Variants in EYS observed in about 807,000 individuals in gnomAD.
EYS encodes protein eyes shut homolog.
Under a neutral mutation model 282.1 loss-of-function variants are expected in EYS, and 250 were observed. The ratio of observed to expected loss-of-function variants is 0.89; its 90% CI spans 0.80 to 0.98. The LOEUF (loss-of-function observed/expected upper bound fraction) is 0.98, where lower values mean the gene tolerates loss of function less well. Ranked by LOEUF, EYS falls within the 50% of genes least tolerant of loss-of-function variation. The probability of loss-of-function intolerance (pLI) is 0.00; values close to 1 mark genes in which losing one functional copy is unlikely to be tolerated. For synonymous variants in EYS, 1,355 were observed against 1,282.9 expected (o/e 1.06, Z -1.20); for missense variants, 4,016 against 3,709.0 (o/e 1.08, Z -2.15).
rs541490452 is a variant in EYS, at chr6:64,659,044, C to A, written c.3444-32799G>T. 3.3e-5 allele frequency among the ~76,000 whole-genome samples: 5 copies of A among 152,178 alleles called. No homozygotes were observed. In the East Asian group the frequency reaches 9.7e-4, roughly 29 times the overall value. On this transcript the variant is annotated intron_variant, in intron 22 of 42. Transcript: ENST00000503581. ...AGAAATTATAAACTGTCTTTCAGAC[C>A]AGAGTGCAACCAAACTAGAACTCAG...
Position 64,803,285 on chromosome 6 carries a change from G to C in EYS, c.3443+10093C>G, listed in dbSNP as rs78925523. Among the ~76,000 whole-genome samples, 1,307 of 152,038 alleles carry C rather than the reference G, an allele frequency of 8.6e-3. 22 individuals carry two copies. Among genetic ancestry groups the C allele is most frequent in the African/African-American group, 0.03 (1,257 of 41,468 alleles). On this transcript the variant is annotated intron_variant, in intron 22 of 42. Transcript: ENST00000503581. The stretch of plus-strand genomic sequence containing the variant: ...TTTCATAGGCAGGTTGACCCTACAA[G>C]TCAAGGAGACTCAAATTGGGTAGCT...
intron 35 of EYS, among the ~76,000 whole-genome samples, chr6:63,961,229 C>G (rs987340618): frequency 6.6e-6 from 1 of 152,170 alleles, no homozygotes; most frequent in Admixed American, 6.6e-5. Context: ...GCCATCATAT[C>G]CCCTGTGACT....
rs551921691 is a variant in EYS at position 65,065,464 on chromosome 6, G to T, written c.2024-7737C>A. On this transcript the variant is annotated intron_variant, in intron 12 of 42. Coordinates refer to ENST00000503581, the MANE Select transcript of EYS (RefSeq NM_001142800.2). ...GTGGCGCGATCTCTGCTCATTGCAA[G>T]CTCCACCTCCCGGGTTCACGCCATT... Among the ~76,000 whole-genome samples the T allele has an allele frequency of 2.5e-3, 382 of 150,666 alleles. 1 individual carries two copies. Among genetic ancestry groups the T allele is most frequent in the African/African-American group, 8.9e-3 (364 of 41,016 alleles).
At chr6:63,937,361 T>C (rs1348141033) in intron 35 of EYS, among the ~76,000 whole-genome samples, 5 of 49,080 alleles carry the variant, frequency 1.0e-4, no homozygotes, top group Non-Finnish European at 1.9e-4. Context: ...TTTTTTTTTT[T>C]TTTTTTTTTT....
At chr6:64,593,087 C>A in intron 25 of EYS, 30 bp downstream of exon 25, 1 of 1,422,034 alleles carries the variant, frequency 7.0e-7, no homozygotes, top group Admixed American at 3.5e-5. Flanking sequence ...CAAACTCAAA[C>A]TTCTTAATAT....
chr6:64,733,150 A>C (rs1772031060), intron 22 of EYS: 1 of 152,192 alleles, frequency 6.6e-6, no homozygotes, highest in South Asian at 2.1e-4. Flanking sequence ...AGGCTCATCT[A>C]AGCCATTCTT....
rs908482585 is a variant in EYS, at chr6:64,405,051, A to T, written c.5928-16211T>A. 2.6e-5 allele frequency among the ~76,000 whole-genome samples: 4 copies of T among 152,100 alleles called. No homozygotes were observed. The South Asian group carries it at 6.2e-4, about 24-fold the overall frequency. ...GCAGATTTGTTACATACGTAAACGT[A>T]TGCCATGGTGGTTTGCTGCACCTAT... is the stretch of plus-strand genomic sequence containing the variant. On this transcript the variant is annotated intron_variant, in intron 28 of 42. Coordinates refer to ENST00000503581, the MANE Select transcript of EYS (RefSeq NM_001142800.2).
chr6:64,176,850 C>T (rs994588758), intron 31 of EYS, among the ~76,000 whole-genome samples: 6 of 151,792 alleles, frequency 4.0e-5, no homozygotes, highest in African/African-American at 1.5e-4. Flanking sequence ...CTTTAAGGAC[C>T]GTTATTGAAA....
chr6:64,472,425 T>A (rs1415923524), intron 26 of EYS, among the ~76,000 whole-genome samples: 1 of 152,094 alleles, frequency 6.6e-6, no homozygotes, highest in Admixed American at 6.6e-5. Flanking sequence ...AAACACACAA[T>A]CAAATTTGGT....
chr6:63,928,536 G>A (rs1227777834), intron 35 of EYS, among the ~76,000 whole-genome samples: 1 of 151,992 alleles, frequency 6.6e-6, no homozygotes, highest in Non-Finnish European at 1.5e-5. Flanking sequence ...GTGTGTGTGT[G>A]TGTGTGTGTG....
intron 1 of EYS, among the ~76,000 whole-genome samples, chr6:65,677,592 T>C (rs1049093219): frequency 5.3e-5 from 8 of 151,978 alleles, no homozygotes; most frequent in African/African-American, 1.4e-4. Flanking sequence ...TGTATAAATA[T>C]TGGAAGCCTT....
At chr6:65,695,256 G>A (rs1769403728) in intron 1 of EYS, among the ~76,000 whole-genome samples, 1 of 151,898 alleles carries the variant, frequency 6.6e-6, no homozygotes, top group Admixed American at 6.6e-5. Flanking sequence ...GTTAAATATA[G>A]ATTGCAAAAT....
chr6:64,953,102 A>C (rs1769568822), intron 14 of EYS, among the ~76,000 whole-genome samples: 1 of 151,910 alleles, frequency 6.6e-6, no homozygotes, highest in Non-Finnish European at 1.5e-5. Flanking sequence ...AACCAAAAGC[A>C]GTTCTATAAA....
chr6:65,693,572 T>C (rs1246402235), intron 1 of EYS, among the ~76,000 whole-genome samples: 1 of 149,630 alleles, frequency 6.7e-6, no homozygotes, highest in Non-Finnish European at 1.5e-5. Context: ...TATTTTACAA[T>C]AAAACCTGCA....
intron 12 of EYS, among the ~76,000 whole-genome samples, chr6:65,130,575 T>C (rs1269580745): frequency 6.6e-6 from 1 of 151,872 alleles, no homozygotes; most frequent in Non-Finnish European, 1.5e-5. Context: ...CTGCATATTG[T>C]CACTTATAAG....
chr6:65,157,024 A>G (rs1032377112), intron 12 of EYS, among the ~76,000 whole-genome samples: 7 of 150,952 alleles, frequency 4.6e-5, no homozygotes, highest in African/African-American at 1.7e-4. Context: ...AAACTCCTAC[A>G]TCTGTTATTT....
intron 12 of EYS, among the ~76,000 whole-genome samples, chr6:65,262,212 TTG>T (rs1562057420): frequency 6.6e-6 from 1 of 152,102 alleles, no homozygotes; most frequent in African/African-American, 2.4e-5. Context: ...CCAGTGATAT[TTG>T]TGTTACTTCT....
intron 22 of EYS, among the ~76,000 whole-genome samples, chr6:64,748,278 T>C (rs746446384): frequency 3.3e-5 from 5 of 152,160 alleles, no homozygotes; most frequent in Non-Finnish European, 7.4e-5. Flanking sequence ...CTACTCTAAG[T>C]AGGAAAGTTA....
At chr6:65,173,109 C>G (rs1309137386) in intron 12 of EYS, among the ~76,000 whole-genome samples, 1 of 151,340 alleles carries the variant, frequency 6.6e-6, no homozygotes, top group Non-Finnish European at 1.5e-5. Flanking sequence ...TGGATTCTGG[C>G]AGCAGATTCC....
Sources: gnomAD v4.1 joint callset for allele counts (sites outside exome capture counted in the v4.1 genomes callset) on GRCh38, gnomAD v4.1.1 for gene constraint, MANE v1.5 for transcripts, NCBI Gene and HGNC (gene_info 2026-07-23, HGNC 2026-07-21) for gene names.